The following IQCK variants were observed in gnomAD, a reference collection of about 807,000 sequenced individuals.
IQCK encodes the protein IQ motif containing K, also known as IQ domain-containing protein K.
In IQCK, 29 loss-of-function variants were observed where a neutral mutation model predicts 28.1. That is an observed-to-expected ratio of 1.03 (90% CI 0.77 to 1.41). IQCK has a LOEUF of 1.41. IQCK is among the 40% of genes most tolerant of loss of function. The pLI is 0.00. For synonymous variants in IQCK, 113 were observed against 115.1 expected, an observed-to-expected ratio of 0.98 and a Z score of 0.12; for missense variants, 359 against 314.7, an observed-to-expected ratio of 1.14 and a Z score of -1.07.
At chr16:19,742,935 G>A (rs1257774936) in intron 4 of IQCK, among the ~76,000 whole-genome samples, 1 of 152,174 alleles carries the variant, frequency 6.6e-6, no homozygotes, top group Admixed American at 6.5e-5. Flanking sequence ...TTGGGAGGCC[G>A]AGGCGGGTAG....
At chr16:19,735,067 C>T (rs1365327528) in intron 3 of IQCK, among the ~76,000 whole-genome samples, 1 of 152,150 alleles carries the variant, frequency 6.6e-6, no homozygotes, top group Admixed American at 6.5e-5. Context: ...GTCCCTCCGG[C>T]CACACTGGGC....
chr16:19,810,099 C>G (rs894729786), intron 7 of IQCK, among the ~76,000 whole-genome samples: 18 of 152,202 alleles, frequency 1.2e-4, no homozygotes, highest in African/African-American at 4.3e-4. Context: ...AAGCTAAGAA[C>G]TGCTACTTTA....
At chr16:19,784,613 A>C (rs1010468826) in intron 6 of IQCK, among the ~76,000 whole-genome samples, 2 of 152,228 alleles carry the variant, frequency 1.3e-5, no homozygotes, top group African/African-American at 4.8e-5. Flanking sequence ...ACACAGGACC[A>C]GTGTCTACTC....
intron 9 of IQCK, among the ~76,000 whole-genome samples, chr16:19,832,542 G>C (rs1341900764): frequency 6.6e-6 from 1 of 151,932 alleles, no homozygotes; most frequent in Admixed American, 6.6e-5. Flanking sequence ...ATTAAGATTA[G>C]GGAAAAAAAT....
chr16:19,718,359 G>A, exon 1 of IQCK: 1 of 1,610,092 alleles, frequency 6.2e-7, no homozygotes, highest in African/African-American at 1.3e-5. Context: ...AAGCCCAGCT[G>A]CTCTACAGAC....
intron 7 of IQCK, among the ~76,000 whole-genome samples, chr16:19,810,767 C>G (rs1381254188): frequency 1.3e-5 from 2 of 150,430 alleles, no homozygotes; most frequent in Non-Finnish European, 2.9e-5. Flanking sequence ...GATCGTGCCA[C>G]TGCACTTCAG....
At chr16:19,730,814 G>A (rs182497357) in intron 2 of IQCK, among the ~76,000 whole-genome samples, 325 of 151,892 alleles carry the variant, frequency 2.1e-3, no homozygotes, top group African/African-American at 6.9e-3. Flanking sequence ...TTGCCCTGTC[G>A]CCCAGGTTGG....
At chr16:19,838,249 G>A (rs1407699663) in intron 9 of IQCK, among the ~76,000 whole-genome samples, 1 of 152,184 alleles carries the variant, frequency 6.6e-6, no homozygotes, top group Non-Finnish European at 1.5e-5. Flanking sequence ...GCTTTTGTTG[G>A]GGAAAGCGAG....
intron 7 of IQCK, among the ~76,000 whole-genome samples, chr16:19,809,282 C>T (rs187401559): frequency 1.3e-5 from 2 of 152,344 alleles, no homozygotes; most frequent in East Asian, 3.9e-4. Flanking sequence ...GACTTAAAAC[C>T]ACAGCAGTTG....
At chr16:19,809,402 C>G (rs1009977756) in intron 7 of IQCK, among the ~76,000 whole-genome samples, 1 of 152,204 alleles carries the variant, frequency 6.6e-6, no homozygotes, top group Non-Finnish European at 1.5e-5. Context: ...AATGTCCAAG[C>G]TGGCCTCACA....
chr16:19,735,476 A>T (rs1458974347), intron 4 of IQCK, 26 bp downstream of exon 4: 2 of 1,482,396 alleles, frequency 1.3e-6, no homozygotes, highest in East Asian at 2.3e-5. Flanking sequence ...GGATTTCTTT[A>T]TTTTGAGATT....
At chr16:19,772,098 G>T (rs886768815) in intron 6 of IQCK, among the ~76,000 whole-genome samples, 2 of 152,170 alleles carry the variant, frequency 1.3e-5, no homozygotes, top group African/African-American at 4.8e-5. Flanking sequence ...TCTAGTAAAA[G>T]GTCTAGACTG....
chr16:19,856,404 C>A, intron 9 of IQCK, 83 bp from the exon 9 acceptor site: 2 of 1,136,404 alleles, frequency 1.8e-6, no homozygotes, highest in Non-Finnish European at 1.3e-6. Context: ...ACCTTGTCCA[C>A]ACATCAGAGT....
At chr16:19,828,201 C>T (rs375186247), downstream of IQCK, among the ~76,000 whole-genome samples, 101 of 149,790 alleles carry the variant, frequency 6.7e-4, 1 homozygote, top group African/African-American at 2.3e-3. Context: ...CATGAGCCAG[C>T]GCGCCTGGCT....
chr16:19,811,040 T>G (rs1361995188), intron 7 of IQCK, among the ~76,000 whole-genome samples: 1 of 152,076 alleles, frequency 6.6e-6, no homozygotes, highest in Non-Finnish European at 1.5e-5. Flanking sequence ...TCCCAACACT[T>G]TGGGAGGCAG....
chr16:19,828,231 C>CTTTTTTTTTT (rs749049124), downstream of IQCK, among the ~76,000 whole-genome samples: 23 of 107,242 alleles, frequency 2.1e-4, no homozygotes, highest in South Asian at 3.2e-4. Context: ...TCTTTCTTTT[C>CTTTTTTTTTT]TTTTTTTTTT....
intron 7 of IQCK, among the ~76,000 whole-genome samples, chr16:19,824,732 C>G (rs1375372607): frequency 6.6e-6 from 1 of 152,208 alleles, no homozygotes; most frequent in African/African-American, 2.4e-5. Context: ...GCTCCTCTGG[C>G]AAGTGAAGAG....
intron 6 of IQCK, among the ~76,000 whole-genome samples, chr16:19,776,439 C>T (rs994712501): frequency 5.3e-5 from 8 of 152,168 alleles, no homozygotes; most frequent in Middle Eastern, 3.4e-3. Flanking sequence ...GGCACGGTGG[C>T]CACGCCTAGA....
chr16:19,779,964 G>C (rs181138417), intron 6 of IQCK, among the ~76,000 whole-genome samples: 5 of 151,230 alleles, frequency 3.3e-5, no homozygotes, highest in Non-Finnish European at 7.4e-5. Context: ...TGATCCACCC[G>C]TCTCGGCCTC....
Sources: gnomAD v4.1 joint callset for allele counts (sites outside exome capture counted in the v4.1 genomes callset) on GRCh38, gnomAD v4.1.1 for gene constraint, MANE v1.5 for transcripts, NCBI Gene and HGNC (gene_info 2026-07-23, HGNC 2026-07-21) for gene names.